BCL10: variants seen among roughly 807,000 people sequenced by gnomAD.
BCL10 encodes the protein B-cell lymphoma/leukemia 10.
BCL10 carries 5 observed loss-of-function variants against 19.2 expected under a neutral mutation model. That is an observed-to-expected ratio of 0.26 (90% confidence interval 0.14 to 0.55). The LOEUF is 0.55. Ranked by LOEUF, BCL10 falls within the 20% of genes least tolerant of loss-of-function variation. BCL10 has a pLI of 0.94. For missense variants in BCL10, 201 were observed against 271.9 expected (o/e 0.74, Z 1.83); for synonymous variants, 110 against 98.8 (o/e 1.11, Z -0.67).
chr1:85,271,861 G>A (rs532485509), intron 1 of BCL10, among the ~76,000 whole-genome samples: 2 of 152,290 alleles, frequency 1.3e-5, no homozygotes, highest in South Asian at 2.1e-4. Flanking sequence ...CTTGGTCTAC[G>A]AAGTTCCACA....
At chr1:85,268,009 T>C (rs1238013326) in intron 2 of BCL10, 27 bp from the exon 3 acceptor site, 1 of 1,426,020 alleles carries the variant, frequency 7.0e-7, no homozygotes, top group African/African-American at 1.4e-5. Context: ...CAGATGTAAA[T>C]GAAAAAGTAA....
In BCL10 at chr1:85,266,349, A is replaced by G; in HGVS notation, c.*1278T>C. 1 of 186,266 alleles carries G rather than the reference A, an allele frequency of 5.4e-6. No individual in the cohort carries two copies. Among genetic ancestry groups the G allele is most frequent in the Non-Finnish European group, 1.1e-5 (1 of 87,928 alleles). 11.5% of individuals were successfully genotyped at this position (186,266 alleles called of 1,614,324 possible). On this transcript the variant is annotated 3_prime_UTR_variant, in exon 3 of 3. Transcript: ENST00000648566. ...GAGACAATGTCAGGAAACAGATAAA[A>G]TTGTAATTTAAATAAAAACAAACAG...
chr1:85,276,160 A>AGTCCT (rs1284096568), intron 1 of BCL10, 136 bp downstream of exon 1: 30 of 1,087,508 alleles, frequency 2.8e-5, no homozygotes, highest in Non-Finnish European at 3.1e-5. Flanking sequence ...GGCTCGCCAC[A>AGTCCT]GTCCTCCTGT....
Position 85,266,032 on chromosome 1 carries a change from TC to T in BCL10, c.*1594del, listed in dbSNP as rs1173786025. On this transcript the variant is annotated 3_prime_UTR_variant, in exon 3 of 3. Coordinates refer to ENST00000648566, the MANE Select transcript of BCL10 (RefSeq NM_003921.5). The stretch of plus-strand genomic sequence containing the variant: ...TTGGAGGTGAAACATTTCTCTATAA[TC>T]CTTAGAAAGTGCTTATACTAAAAAA... 2.0e-5 allele frequency among the ~76,000 whole-genome samples: 3 copies of T among 152,172 alleles called. No homozygotes were observed. The highest frequency in any genetic ancestry group is 4.4e-5 in the Non-Finnish European group (3 of 68,024).
chr1:85,276,319 C>T lies in BCL10; in HGVS notation c.34G>A (p.Asp12Asn). The T allele has an allele frequency of 6.2e-7, 1 of 1,613,460 alleles. No homozygotes were observed. Among genetic ancestry groups the T allele is most frequent in the Non-Finnish European group, 8.5e-7 (1 of 1,179,600 alleles). Residue 12 changes from aspartate (D) to asparagine (N), a missense_variant, in exon 1 of 3, where the codon GAC becomes AAC. This residue lies in a region of BCL10 where 24 missense variants were observed against 16.6 expected (regional missense o/e 1.45). Coordinates refer to ENST00000648566, the MANE Select transcript of BCL10 (RefSeq NM_003921.5). ...ACGTCCTTCTTCACTTCAGTGAGGT[C>T]CTCCTCGGTGAGGGACGGTGCGGTG... Reference protein sequence around the residue: ...EPTAPSLTEEDLTEVKKDALE... With the variant: ...EPTAPSLTEENLTEVKKDALE...
intron 2 of BCL10, among the ~76,000 whole-genome samples, chr1:85,268,409 GAAT>G (rs1262446058): frequency 2.0e-5 from 3 of 152,174 alleles, no homozygotes; most frequent in East Asian, 3.8e-4. Context: ...GCTAATTCTT[GAAT>G]AATAGGATAT....
chr1:85,271,123 A>G (rs561099142), intron 1 of BCL10, among the ~76,000 whole-genome samples: 12 of 152,268 alleles, frequency 7.9e-5, no homozygotes, highest in Non-Finnish European at 1.3e-4. Context: ...AAACCTAAAA[A>G]CCAAGACCAG....
At chr1:85,268,539 G>A (rs577527484) in intron 2 of BCL10, among the ~76,000 whole-genome samples, 1 of 152,286 alleles carries the variant, frequency 6.6e-6, no homozygotes, top group South Asian at 2.1e-4. Context: ...GGAGGCCGAA[G>A]TGGGCAGATC....
intron 1 of BCL10, among the ~76,000 whole-genome samples, chr1:85,275,258 T>C (rs1660486331): frequency 6.6e-6 from 1 of 152,248 alleles, no homozygotes; most frequent in Admixed American, 6.5e-5. Context: ...CATTTTTTTG[T>C]ATCCTTCCAG....
Position 85,265,940 on chromosome 1 carries a change from T to G in BCL10, c.*1687A>C, listed in dbSNP as rs1660179048. Reference sequence around the variant, plus strand: ...CAAATTTAATTTTAAAGTCTGCTTCTGCTTTTTAAAGCACCTTCCTTAAAT... The same window carrying G: ...CAAATTTAATTTTAAAGTCTGCTTCGGCTTTTTAAAGCACCTTCCTTAAAT... On this transcript the variant is annotated 3_prime_UTR_variant, in exon 3 of 3. Transcript: ENST00000648566. Among the ~76,000 whole-genome samples the G allele has an allele frequency of 6.6e-6, 1 of 152,258 alleles. No homozygotes were observed. The highest frequency in any genetic ancestry group is 1.5e-5 in the Non-Finnish European group (1 of 68,044).
chr1:85,276,449 A>G lies in BCL10; in HGVS notation c.-97T>C. On this transcript the variant is annotated 5_prime_UTR_variant, in exon 1 of 3. Coordinates refer to ENST00000648566, the MANE Select transcript of BCL10 (RefSeq NM_003921.5). ...CTTCGGCCTCCGGGTAATGGGGAAG[A>G]AGGAGAGGAGGCGGAGCGGGTCGGG... 1 of 1,403,132 alleles carries G rather than the reference A, an allele frequency of 7.1e-7. No homozygotes were observed. The highest frequency in any genetic ancestry group is 2.3e-5 in the East Asian group (1 of 43,368). 86.9% of individuals were successfully genotyped at this position (1,403,132 alleles called of 1,614,324 possible).
At chr1:85,270,363 C>T (rs370769530) in intron 2 of BCL10, among the ~76,000 whole-genome samples, 281 of 152,276 alleles carry the variant, frequency 1.8e-3, no homozygotes, top group African/African-American at 6.4e-3. Context: ...GCCTCAATGT[C>T]CCAGGCTTAA....
chr1:85,270,095 C>A (rs536244201), intron 2 of BCL10, among the ~76,000 whole-genome samples: 1 of 152,222 alleles, frequency 6.6e-6, no homozygotes, highest in South Asian at 2.1e-4. Context: ...GAAACAAATC[C>A]TTATGTATGC....
chr1:85,271,106 C>T (rs1270509760), intron 1 of BCL10, among the ~76,000 whole-genome samples, 200 bp from the exon 2 acceptor site: 4 of 152,154 alleles, frequency 2.6e-5, no homozygotes, highest in African/African-American at 9.7e-5. Context: ...GCTTTGATCT[C>T]ACCTTCAAAC....
chr1:85,267,036 A>T lies in BCL10; in HGVS notation c.*591T>A, dbSNP rs1303264282. 1 of 191,550 alleles carries T rather than the reference A, an allele frequency of 5.2e-6. No homozygotes were observed. The highest frequency in any genetic ancestry group is 1.1e-5 in the Non-Finnish European group (1 of 91,412). The allele number at this position is 191,550 out of a possible 1,614,324, so 11.9% of individuals were successfully genotyped here. A position where few individuals can be genotyped will look rare whatever the true frequency, so the allele number is the denominator to read the frequency against. ...AGTAGTATAATTAGTAAGGTTAATT[A>T]GAAATGAATTTTGGCAAACCGAGAT... On this transcript the variant is annotated 3_prime_UTR_variant, in exon 3 of 3. Transcript: ENST00000648566.
intron 1 of BCL10, among the ~76,000 whole-genome samples, chr1:85,272,313 C>G (rs1164816297): frequency 6.6e-6 from 1 of 152,036 alleles, no homozygotes; most frequent in Non-Finnish European, 1.5e-5. Context: ...CTCACTGCAG[C>G]CTGGAATCCC....
intron 2 of BCL10, among the ~76,000 whole-genome samples, chr1:85,268,495 C>T (rs942046621): frequency 6.6e-6 from 1 of 152,116 alleles, no homozygotes; most frequent in African/African-American, 2.4e-5. Flanking sequence ...AAGGGCGGGG[C>T]ATGGTGGCTC....
Position 85,267,925 on chromosome 1 carries a change from C to T in BCL10, c.404G>A (p.Arg135Lys), listed in dbSNP as rs1466591452. ...FPDGATNNLSRSNSDESNFSE... is the reference protein window; with the variant it reads ...FPDGATNNLSKSNSDESNFSE... ...GAAATTACTCTCATCTGAATTTGAT[C>T]TGGAGAGGTTGTTCGTGGCTCCATC... Residue 135 changes from arginine (R) to lysine (K), a missense_variant, in exon 3 of 3, where the codon AGA becomes AAA. By Grantham distance (26) the Arg-to-Lys change is conservative. Around this residue, in one of 3 missense-constraint regions of BCL10, gnomAD observed 126 missense variants for 136.6 expected, o/e 0.92. Coordinates refer to ENST00000648566, the MANE Select transcript of BCL10 (RefSeq NM_003921.5). 6.2e-7 allele frequency: 1 copy of T among 1,611,230 alleles called. No individual in the cohort carries two copies. The highest frequency in any genetic ancestry group is 8.5e-7 in the Non-Finnish European group (1 of 1,178,496).
At position 85,270,799 on chromosome 1, in the gene BCL10, A is replaced by T. The variant is rs769105226; in HGVS notation, c.165T>A (p.Ile55=). The T allele has an allele frequency of 3.0e-5, 48 of 1,614,044 alleles. No individual in the cohort carries two copies. The South Asian group carries it at 4.7e-4, about 16-fold the overall frequency. Residue 55 remains isoleucine, a synonymous_variant, in exon 2 of 3, where the codon ATT becomes ATA. Transcript: ENST00000648566. The part of the protein sequence containing the change: ...KILSREDTEE[I]SCRTSSRKRA... ...TTTTTCTACTTGATGTTCGACAAGA[A>T]ATTTCTTCAGTGTCTTCTCTACTGA...
Sources: allele counts gnomAD v4.1 joint callset (sites outside exome capture counted in the v4.1 genomes callset), GRCh38; gene constraint gnomAD v4.1.1; regional missense constraint gnomAD v4.1.1; transcripts MANE v1.5; gene names NCBI Gene and HGNC (gene_info 2026-07-23, HGNC 2026-07-21).